Variants in COL4A2 observed in about 807,000 individuals in gnomAD.
The protein encoded by COL4A2 is collagen type IV alpha 2 chain.
Under a neutral mutation model 200.2 loss-of-function variants are expected in COL4A2, and 99 were observed. That is an observed-to-expected ratio of 0.49 (90% CI 0.42 to 0.58). The LOEUF (loss-of-function observed/expected upper bound fraction) is 0.58. Ranked by LOEUF, COL4A2 falls within the 20% of genes least tolerant of loss-of-function variation. The pLI is 0.00. For synonymous variants in COL4A2, 897 were observed against 900.6 expected (o/e 1.00, Z 0.07); for missense variants, 1,950 against 2,314.1 (o/e 0.84, Z 3.23).
intron 6 of COL4A2, among the ~76,000 whole-genome samples, chr13:110,427,283 G>A (rs948673839): frequency 6.6e-6 from 1 of 152,144 alleles, no homozygotes; most frequent in African/African-American, 2.4e-5. Flanking sequence ...CCGAGTAGCT[G>A]GGATTACAGG....
chr13:110,403,820 A>G (rs894248633), intron 4 of COL4A2, among the ~76,000 whole-genome samples: 1 of 152,222 alleles, frequency 6.6e-6, no homozygotes, highest in Non-Finnish European at 1.5e-5. Context: ...AGTCCATGCT[A>G]TAACAAAAAT....
Position 110,367,572 on chromosome 13 carries a change from A to G in COL4A2, c.180+10020A>G, listed in dbSNP as rs545361724. 2.1e-3 allele frequency among the ~76,000 whole-genome samples: 320 copies of G among 152,374 alleles called. 1 individual carries two copies. The highest frequency in any genetic ancestry group is 7.3e-3 in the African/African-American group (304 of 41,592). On this transcript the variant is annotated intron_variant, in intron 4 of 47. Coordinates refer to ENST00000360467, the MANE Select transcript of COL4A2 (RefSeq NM_001846.4). ...ATTGTAAAAGTCTTATGAAAATGAGATGTATGTCAAGAGAACCTTACTATC... is the reference window on the plus strand; with the variant it reads ...ATTGTAAAAGTCTTATGAAAATGAGGTGTATGTCAAGAGAACCTTACTATC...
chr13:110,478,571 C>T (rs188742419), intron 30 of COL4A2, among the ~76,000 whole-genome samples: 10 of 152,066 alleles, frequency 6.6e-5, no homozygotes, highest in African/African-American at 1.9e-4. Flanking sequence ...AGGGGAGGCT[C>T]GGCTGCATGC....
chr13:110,390,655 C>T (rs2139421695), intron 4 of COL4A2, among the ~76,000 whole-genome samples: 1 of 152,344 alleles, frequency 6.6e-6, no homozygotes, highest in East Asian at 1.9e-4. Context: ...ACTGGAAAGT[C>T]CATTCTCATG....
chr13:110,310,624 T>G (rs1884950551), intron 3 of COL4A2, among the ~76,000 whole-genome samples: 1 of 152,216 alleles, frequency 6.6e-6, no homozygotes, highest in Non-Finnish European at 1.5e-5. Context: ...GAAATAATGT[T>G]TCAATTTTCA....
At chr13:110,335,527 A>G (rs1414229454) in intron 3 of COL4A2, among the ~76,000 whole-genome samples, 5 of 152,204 alleles carry the variant, frequency 3.3e-5, no homozygotes, top group Admixed American at 2.0e-4. Flanking sequence ...CCCCAGCCAC[A>G]TGGAACTGTG....
At chr13:110,424,118 CAA>C (rs1021506376) in intron 4 of COL4A2, among the ~76,000 whole-genome samples, 2 of 152,076 alleles carry the variant, frequency 1.3e-5, no homozygotes, top group Admixed American at 1.3e-4. Context: ...GAGTGTTTTC[CAA>C]AGCACCTGCA....
chr13:110,370,704 T>C (rs1365734268), intron 4 of COL4A2, among the ~76,000 whole-genome samples: 2 of 152,250 alleles, frequency 1.3e-5, no homozygotes, highest in Non-Finnish European at 2.9e-5. Flanking sequence ...GTTGCTGATG[T>C]GGAGATGGAG....
At chr13:110,477,308 C>T (rs1400454156) in intron 29 of COL4A2, among the ~76,000 whole-genome samples, 1 of 152,246 alleles carries the variant, frequency 6.6e-6, no homozygotes, top group Non-Finnish European at 1.5e-5. Flanking sequence ...CCCGACACCA[C>T]GTTTCACTGC....
At chr13:110,484,157 G>C (rs1020145095) in intron 32 of COL4A2, among the ~76,000 whole-genome samples, 5 of 151,754 alleles carry the variant, frequency 3.3e-5, no homozygotes, top group South Asian at 2.1e-4. Flanking sequence ...TTATTTCCTC[G>C]AGCCTCCTTA....
chr13:110,400,697 A>AT (rs1470704503), intron 4 of COL4A2, among the ~76,000 whole-genome samples: 18 of 152,352 alleles, frequency 1.2e-4, no homozygotes, highest in African/African-American at 3.6e-4. Flanking sequence ...AAAAGTTGTA[A>AT]TTCCACTTCA....
chr13:110,449,976 A>T (rs915322312), intron 19 of COL4A2, among the ~76,000 whole-genome samples, 187 bp downstream of exon 19: 4 of 152,190 alleles, frequency 2.6e-5, no homozygotes, highest in Admixed American at 2.0e-4. Context: ...CCTCGCACAT[A>T]TGACAGTAAC....
In COL4A2 at chr13:110,449,721, C is replaced by G; in HGVS notation, c.1121C>G (p.Pro374Arg). 1 of 1,549,788 alleles carries G rather than the reference C, an allele frequency of 6.5e-7. No individual in the cohort carries two copies. The highest frequency in any genetic ancestry group is 8.7e-7 in the Non-Finnish European group (1 of 1,146,512). The change falls in exon 19 of 48, where the codon CCA (proline) becomes CGA (arginine). Residue 374 changes from proline to arginine, a missense_variant. Pro to Arg is a moderately radical substitution (Grantham distance 103). Transcript: ENST00000360467. Reference protein sequence around the residue: ...DPGFPGAQGEPGSQGEPGDPG... With the variant: ...DPGFPGAQGERGSQGEPGDPG... Reference sequence around the variant, plus strand: ...GGATTCCCAGGGGCCCAAGGGGAGCCAGGAAGCCAGGGTGAGCCAGGAGAC... The same window carrying G: ...GGATTCCCAGGGGCCCAAGGGGAGCGAGGAAGCCAGGGTGAGCCAGGAGAC...
Position 110,430,452 on chromosome 13 carries a change from T to C in COL4A2, c.585+16T>C, listed in dbSNP as rs1225503795. 2.5e-6 allele frequency: 4 copies of C among 1,614,074 alleles called. No homozygotes were observed. Among genetic ancestry groups the C allele is most frequent in the Admixed American group, 1.7e-5 (1 of 60,002 alleles). On this transcript the variant is annotated intron_variant, in intron 9 of 47. Coordinates refer to ENST00000360467, the MANE Select transcript of COL4A2 (RefSeq NM_001846.4). ...CGGTTTCCAGGTAAGTTTATTTTTA[T>C]TGGACGATATTCCAAACAAAAGTTT...
intron 4 of COL4A2, among the ~76,000 whole-genome samples, chr13:110,423,315 T>G (rs1880329402): frequency 6.6e-6 from 1 of 151,574 alleles, no homozygotes; most frequent in Admixed American, 6.6e-5. Context: ...TTTAATTTTT[T>G]TAATGTAACA....
intron 29 of COL4A2, 57 bp from the exon 30 acceptor site, chr13:110,477,946 G>C (rs1038260305): frequency 1.1e-5 from 15 of 1,383,484 alleles, no homozygotes; most frequent in African/African-American, 1.5e-5. Flanking sequence ...GGGAGATGCT[G>C]TCTGTGATGA....
At chr13:110,337,646 C>A (rs1444965545) in intron 3 of COL4A2, among the ~76,000 whole-genome samples, 1 of 152,172 alleles carries the variant, frequency 6.6e-6, no homozygotes, top group Non-Finnish European at 1.5e-5. Flanking sequence ...TTAGCCACAC[C>A]CTTGCTATCC....
intron 12 of COL4A2, 38 bp downstream of exon 12, chr13:110,434,480 G>A: frequency 8.2e-6 from 13 of 1,591,048 alleles, no homozygotes; most frequent in East Asian, 2.2e-5. Context: ...GAGGCATGCA[G>A]CATTTCTCAG....
chr13:110,379,819 T>C (rs1488056864), intron 4 of COL4A2, among the ~76,000 whole-genome samples: 1 of 152,170 alleles, frequency 6.6e-6, no homozygotes, highest in Non-Finnish European at 1.5e-5. Flanking sequence ...GTTAGGATGG[T>C]GTCTGGGTCC....
Sources: allele counts gnomAD v4.1 joint callset (sites outside exome capture counted in the v4.1 genomes callset), GRCh38; gene constraint gnomAD v4.1.1; transcripts MANE v1.5; gene names NCBI Gene and HGNC (gene_info 2026-07-23, HGNC 2026-07-21).